Variants in ANTXRL observed in about 807,000 individuals in gnomAD.
ANTXRL encodes the protein ANTXR like.
Under a neutral mutation model 75.4 loss-of-function variants are expected in ANTXRL, and 63 were observed. That is an observed-to-expected ratio of 0.84 (90% CI 0.68 to 1.03). The LOEUF (loss-of-function observed/expected upper bound fraction) is 1.03, where lower values mean the gene tolerates loss of function less well. Among genes scored for constraint, ANTXRL ranks in the 50% least tolerant of loss-of-function variants. The pLI is 0.00. For synonymous variants in ANTXRL, 335 were observed against 291.3 expected, an observed-to-expected ratio of 1.15 and a Z score of -1.53; for missense variants, 797 against 789.4, an observed-to-expected ratio of 1.01 and a Z score of -0.12.
At chr10:46,313,370 C>T (rs1472143778) in intron 16 of ANTXRL, 54 bp downstream of exon 16, 1 of 1,486,036 alleles carries the variant, frequency 6.7e-7, no homozygotes, top group African/African-American at 1.4e-5. Flanking sequence ...TGCTTTTCCC[C>T]TGACCACTGT....
chr10:46,297,174 A>G, intron 5 of ANTXRL, 78 bp from the exon 6 acceptor site: 1 of 1,209,818 alleles, frequency 8.3e-7, no homozygotes, highest in Non-Finnish European at 1.2e-6. Context: ...GGGCCCAGCC[A>G]TCTGCAGGGG....
At chr10:46,292,336 T>C (rs1255510066) in intron 2 of ANTXRL, among the ~76,000 whole-genome samples, 2 of 152,080 alleles carry the variant, frequency 1.3e-5, no homozygotes, top group Non-Finnish European at 2.9e-5. Flanking sequence ...CTCCTGCCTG[T>C]GAGCCCAGAC....
intron 16 of ANTXRL, among the ~76,000 whole-genome samples, chr10:46,319,602 T>C (rs1253479117): frequency 1.3e-5 from 2 of 152,120 alleles, no homozygotes; most frequent in African/African-American, 4.8e-5. Context: ...TTGTTCAGGG[T>C]GTACAGGCCA....
In ANTXRL at chr10:46,309,164, C is replaced by A. The variant is rs545590641; in HGVS notation, c.1096C>A (p.Leu366Met). The change falls in exon 13 of 17, where the codon CTG becomes ATG. Residue 366 changes from leucine (L) to methionine (M), a missense_variant. Around this residue, in one of 3 missense-constraint regions of ANTXRL, gnomAD observed 479 missense variants for 422.0 expected, o/e 1.14. Coordinates refer to ENST00000620264, the MANE Select transcript of ANTXRL (RefSeq NM_001278688.3). ...TGTGCCACTCCTGCTGCTTGTGCCACTGCTGCTGTGTTGTGTCTGGCGGCT... is the reference window on the plus strand; with the variant it reads ...TGTGCCACTCCTGCTGCTTGTGCCAATGCTGCTGTGTTGTGTCTGGCGGCT... The part of the protein sequence containing the change: ...YFVPLLLLVP[L>M]LLCCVWRLCR... 6.5e-7 allele frequency: 1 copy of A among 1,535,834 alleles called. No homozygotes were observed. The highest frequency in any genetic ancestry group is 8.7e-7 in the Non-Finnish European group (1 of 1,146,726).
intron 2 of ANTXRL, among the ~76,000 whole-genome samples, chr10:46,293,301 TGTGTGTGTGC>T (rs1837111264): frequency 2.4e-5 from 1 of 42,302 alleles, no homozygotes; most frequent in Non-Finnish European, 6.5e-5. Context: ...TGTGTGCCTG[TGTGTGTGTGC>T]GTGTGTGCCT....
At chr10:46,327,748 G>A (rs1554966786) in intron 16 of ANTXRL, among the ~76,000 whole-genome samples, 2 of 152,162 alleles carry the variant, frequency 1.3e-5, no homozygotes, top group African/African-American at 2.4e-5. Flanking sequence ...TGGAACACCT[G>A]TGAGGAATGG....
At chr10:46,300,357 G>T (rs1307680504) in intron 9 of ANTXRL, among the ~76,000 whole-genome samples, 1 of 152,120 alleles carries the variant, frequency 6.6e-6, no homozygotes, top group African/African-American at 2.4e-5. Context: ...AGGGAGCCCA[G>T]GAAGGAGGCC....
At chr10:46,293,598 T>TG (rs11379984) in intron 2 of ANTXRL, among the ~76,000 whole-genome samples, 59,730 of 150,796 alleles carry the variant, frequency 0.4, 11,764 homozygotes, top group Non-Finnish European at 0.48. Flanking sequence ...CAAGTGTCTT[T>TG]GGGGTGTTGG....
rs1554966379 is a variant in ANTXRL at position 46,326,004 on chromosome 10, T to TTA, written c.1411-3595_1411-3594insTA. On this transcript the variant is annotated intron_variant, in intron 16 of 16. Coordinates refer to ENST00000620264, the MANE Select transcript of ANTXRL (RefSeq NM_001278688.3). ...GGTTAGGGAAGTCCTTTACAGTGGC[T>TTA]CTAAGCTCAGTTTTAGGCCATGGAG... Among the ~76,000 whole-genome samples the TTA allele has an allele frequency of 1.2e-4, 18 of 152,086 alleles. No individual in the cohort carries two copies. In the East Asian group the frequency reaches 1.7e-3, roughly 15 times the overall value.
At chr10:46,321,776 T>A (rs1375232539) in intron 16 of ANTXRL, among the ~76,000 whole-genome samples, 1 of 152,154 alleles carries the variant, frequency 6.6e-6, no homozygotes, top group Non-Finnish European at 1.5e-5. Context: ...TAGGGGCATA[T>A]GCTTTCCAGT....
intron 16 of ANTXRL, among the ~76,000 whole-genome samples, chr10:46,317,166 AT>A (rs1458002954): frequency 2.0e-5 from 3 of 152,156 alleles, no homozygotes; most frequent in Non-Finnish European, 4.4e-5. Context: ...TTTGGTTTTT[AT>A]TTAGAAGTTT....
intron 2 of ANTXRL, among the ~76,000 whole-genome samples, chr10:46,293,309 TGC>T (rs1428345415): frequency 5.1e-5 from 7 of 138,422 alleles, no homozygotes; most frequent in African/African-American, 1.3e-4. Context: ...TGTGTGTGTG[TGC>T]GTGTGTGCCT....
chr10:46,294,327 T>A (rs1337821353), intron 3 of ANTXRL, among the ~76,000 whole-genome samples: 20 of 151,788 alleles, frequency 1.3e-4, no homozygotes, highest in African/African-American at 4.8e-4. Context: ...AAGCTGGTGG[T>A]GGGAGTAGTG....
chr10:46,300,987 AC>A (rs201009735), intron 9 of ANTXRL, among the ~76,000 whole-genome samples: 18 of 142,176 alleles, frequency 1.3e-4, no homozygotes, highest in South Asian at 8.9e-4. Context: ...TATCTCTCCC[AC>A]CCCCCCTCTC....
In ANTXRL at chr10:46,329,993, C is replaced by G; in HGVS notation, c.1805C>G (p.Pro602Arg). ...CTCCCCCCAGCTAGGTGCTTGAGGC[C>G]TCCCTCCAGGATGCTGCCGCTGCTG... is the stretch of plus-strand genomic sequence containing the variant. Reference protein sequence around the residue: ...CRLPPARCLRPPSRMLPLLSP... With the variant: ...CRLPPARCLRRPSRMLPLLSP... The change falls in exon 17 of 17, where the codon CCT (proline) becomes CGT (arginine). Residue 602 changes from proline (P) to arginine (R), a missense_variant. Transcript: ENST00000620264. 3.3e-6 allele frequency: 5 copies of G among 1,535,526 alleles called. No homozygotes were observed. Among genetic ancestry groups the G allele is most frequent in the Non-Finnish European group, 4.4e-6 (5 of 1,146,622 alleles).
chr10:46,306,964 C>T (rs1168757299), intron 11 of ANTXRL, 92 bp downstream of exon 11: 3 of 1,079,180 alleles, frequency 2.8e-6, no homozygotes, highest in Non-Finnish European at 3.9e-6. Flanking sequence ...GCCCCCCACC[C>T]CCTGCTGGGA....
At chr10:46,328,967 A>G (rs1358442911) in intron 16 of ANTXRL, among the ~76,000 whole-genome samples, 13 of 152,168 alleles carry the variant, frequency 8.5e-5, no homozygotes, top group Admixed American at 7.9e-4. Flanking sequence ...TGCCCCGATC[A>G]TGAGCATAAG....
intron 16 of ANTXRL, among the ~76,000 whole-genome samples, chr10:46,327,655 G>A (rs1554966771): frequency 6.6e-6 from 1 of 152,134 alleles, no homozygotes; most frequent in African/African-American, 2.4e-5. Context: ...TCCAGCATTT[G>A]AGGCATTTGT....
intron 16 of ANTXRL, among the ~76,000 whole-genome samples, chr10:46,324,314 A>G (rs1301555582): frequency 6.6e-6 from 1 of 152,214 alleles, no homozygotes; most frequent in East Asian, 1.9e-4. Context: ...GACTCTCTTT[A>G]TGAACCGGAA....
Sources: gnomAD v4.1 joint callset for allele counts (sites outside exome capture counted in the v4.1 genomes callset) on GRCh38, gnomAD v4.1.1 for gene constraint, gnomAD v4.1.1 regional missense constraint, MANE v1.5 for transcripts, NCBI Gene and HGNC (gene_info 2026-07-23, HGNC 2026-07-21) for gene names.